ODAD2: variants seen among roughly 807,000 people sequenced by gnomAD.
ODAD2 encodes the protein outer dynein arm docking complex subunit 2.
Under a neutral mutation model 106.8 loss-of-function variants are expected in ODAD2, and 89 were observed. The observed-to-expected ratio is 0.83, with a 90% CI of 0.70 to 0.99. The LOEUF (loss-of-function observed/expected upper bound fraction) is 0.99. ODAD2 is among the 50% of genes least tolerant of loss of function. The pLI is 0.00. For synonymous variants in ODAD2, 404 were observed against 436.2 expected (o/e 0.93, Z 0.92); for missense variants, 1,168 against 1,238.5 (o/e 0.94, Z 0.85).
intron 16 of ODAD2, among the ~76,000 whole-genome samples, chr10:27,922,313 T>C (rs995043195): frequency 6.8e-6 from 1 of 147,792 alleles, no homozygotes; most frequent in African/African-American, 2.6e-5. Context: ...TGAGCCCTTT[T>C]TGAAGATTCT....
At chr10:27,998,625 G>A (rs1467181432) in intron 1 of ODAD2, among the ~76,000 whole-genome samples, 1 of 151,940 alleles carries the variant, frequency 6.6e-6, no homozygotes, top group Non-Finnish European at 1.5e-5. Flanking sequence ...GGGGAGGAAG[G>A]AGTGAGATGG....
At chr10:27,830,774 C>T (rs1328929506) in intron 19 of ODAD2, among the ~76,000 whole-genome samples, 1 of 152,162 alleles carries the variant, frequency 6.6e-6, no homozygotes, top group Non-Finnish European at 1.5e-5. Flanking sequence ...TAAAGTCATT[C>T]CTTCAATACT....
At chr10:27,873,869 G>C (rs534992395) in intron 17 of ODAD2, among the ~76,000 whole-genome samples, 350 of 152,286 alleles carry the variant, frequency 2.3e-3, no homozygotes, top group African/African-American at 8.1e-3. Context: ...GTGTCTATTA[G>C]GTCCACTTGG....
intron 19 of ODAD2, among the ~76,000 whole-genome samples, chr10:27,855,919 A>G (rs1339239705): frequency 6.6e-6 from 1 of 152,170 alleles, no homozygotes; most frequent in Admixed American, 6.5e-5. Context: ...ATTTGCAAAA[A>G]CAAATCCAAT....
chr10:27,987,255 T>G (rs1310199268), intron 3 of ODAD2, 131 bp downstream of exon 3: 4 of 745,666 alleles, frequency 5.4e-6, no homozygotes, highest in Admixed American at 3.0e-5. Context: ...GTTGTACATT[T>G]GACTTTTTAC....
At position 27,812,524 on chromosome 10, in the gene ODAD2, T is replaced by C; in HGVS notation, c.3123A>G (p.Ala1041=). The C allele has an allele frequency of 6.2e-7, 1 of 1,613,324 alleles. No individual in the cohort carries two copies. The change falls in exon 20 of 20, where the codon GCA becomes GCG. Residue 1041 remains alanine, a synonymous_variant. Transcript: ENST00000305242. ...GTCCATTTAAATTTCAAGTGTATCTTGCCTTCTCTGTAGCAAGAGCCAGCC... is the reference window on the plus strand; with the variant it reads ...GTCCATTTAAATTTCAAGTGTATCTCGCCTTCTCTGTAGCAAGAGCCAGCC... ...IRRLALATEK[A]RYT
intron 9 of ODAD2, among the ~76,000 whole-genome samples, chr10:27,962,414 G>GT (rs1328001683): frequency 6.6e-6 from 1 of 152,172 alleles, no homozygotes; most frequent in African/African-American, 2.4e-5. Context: ...TATTATTCCA[G>GT]TAAGTTCAAC....
At chr10:27,940,827 A>G in intron 12 of ODAD2, 22 bp from the exon 13 acceptor site, 1 of 1,600,726 alleles carries the variant, frequency 6.2e-7, no homozygotes, top group Non-Finnish European at 8.5e-7. Flanking sequence ...GATAAATCCA[A>G]TGTTCATGGA....
intron 19 of ODAD2, among the ~76,000 whole-genome samples, chr10:27,843,939 C>A (rs1838507634): frequency 6.6e-6 from 1 of 152,150 alleles, no homozygotes; most frequent in African/African-American, 2.4e-5. Context: ...CATGCTCACA[C>A]CTGTAATCCC....
In ODAD2 at chr10:27,935,036, A is replaced by G; in HGVS notation, c.2469T>C (p.Ala823=). 1 of 1,613,996 alleles carries G rather than the reference A, an allele frequency of 6.2e-7. No homozygotes were observed. The highest frequency in any genetic ancestry group is 1.1e-5 in the South Asian group (1 of 91,080). The change falls in exon 16 of 20, where the codon GCT becomes GCC. Residue 823 remains alanine (A), a synonymous_variant. Transcript: ENST00000305242. The part of the protein sequence containing the change: ...LLVNVTKAVG[A]CAVEPESMMI... ...TCATACTTTCAGGTTCTACTGCACA[A>G]GCACCAACTGCTTTTGTAACATTCA...
chr10:27,990,560 C>T (rs1850166106), intron 2 of ODAD2, among the ~76,000 whole-genome samples: 1 of 152,174 alleles, frequency 6.6e-6, no homozygotes, highest in Admixed American at 6.5e-5. Context: ...TAGCAGTCCT[C>T]AGGGACAAAA....
chr10:27,882,221 G>GAAAGAAAGA (rs1841784679), intron 17 of ODAD2, among the ~76,000 whole-genome samples: 8 of 150,848 alleles, frequency 5.3e-5, no homozygotes, highest in African/African-American at 1.7e-4. Context: ...AAGAAAGAAA[G>GAAAGAAAGA]AAAGAAAGAA....
intron 7 of ODAD2, among the ~76,000 whole-genome samples, chr10:27,979,936 G>A (rs1004072907): frequency 6.6e-6 from 1 of 152,038 alleles, no homozygotes; most frequent in Non-Finnish European, 1.5e-5. Context: ...CAAAGTTGGA[G>A]GACTCACACT....
chr10:27,835,512 G>A (rs1164479359), intron 19 of ODAD2, among the ~76,000 whole-genome samples: 2 of 152,004 alleles, frequency 1.3e-5, no homozygotes, highest in African/African-American at 4.8e-5. Flanking sequence ...GTGAGTTAGG[G>A]CACCACGCCC....
intron 12 of ODAD2, among the ~76,000 whole-genome samples, chr10:27,941,961 T>C (rs184018620): frequency 6.3e-4 from 96 of 152,198 alleles, no homozygotes; most frequent in African/African-American, 2.3e-3. Context: ...TTGAGACAGG[T>C]GGACACTCCT....
chr10:27,967,378 C>G (rs149694203), intron 9 of ODAD2, among the ~76,000 whole-genome samples: 1 of 126,662 alleles, frequency 7.9e-6, no homozygotes, highest in South Asian at 2.6e-4. Context: ...GACAAAGTAA[C>G]GAAGGACTCC....
At chr10:27,913,375 A>T (rs986996500) in intron 16 of ODAD2, among the ~76,000 whole-genome samples, 1 of 152,104 alleles carries the variant, frequency 6.6e-6, no homozygotes, top group Non-Finnish European at 1.5e-5. Context: ...AAGTGAGAAC[A>T]TGCGGTATTT....
At chr10:27,820,932 C>T (rs1783418951) in intron 19 of ODAD2, among the ~76,000 whole-genome samples, 1 of 151,932 alleles carries the variant, frequency 6.6e-6, no homozygotes, top group Admixed American at 6.6e-5. Context: ...CAGGCATGCG[C>T]CACCACACCG....
At chr10:27,823,586 G>T (rs1836782244) in intron 19 of ODAD2, among the ~76,000 whole-genome samples, 1 of 152,154 alleles carries the variant, frequency 6.6e-6, no homozygotes. Flanking sequence ...AATGTAAAGT[G>T]CTCATGCTAT....
Sources: gnomAD v4.1 joint callset for allele counts (sites outside exome capture counted in the v4.1 genomes callset) on GRCh38, gnomAD v4.1.1 for gene constraint, MANE v1.5 for transcripts, NCBI Gene and HGNC (gene_info 2026-07-23, HGNC 2026-07-21) for gene names.